The following MYO6 variants were observed in gnomAD, a reference collection of about 807,000 sequenced individuals.
MYO6 encodes myosin VI, also known as unconventional myosin-VI.
MYO6 carries 74 observed loss-of-function variants against 178.7 expected under a neutral mutation model. That is an observed-to-expected ratio of 0.41 (90% CI 0.34 to 0.50). The LOEUF (loss-of-function observed/expected upper bound fraction) is 0.50, where lower values mean the gene tolerates loss of function less well. Among genes scored for constraint, MYO6 ranks in the 20% least tolerant of loss-of-function variants. MYO6 has a pLI of 0.09. For missense variants in MYO6, 1,330 were observed against 1,547.4 expected, an observed-to-expected ratio of 0.86 and a Z score of 2.36; for synonymous variants, 477 against 504.6, an observed-to-expected ratio of 0.95 and a Z score of 0.73.
At chr6:75,895,518 A>G (rs976963960) in intron 29 of MYO6, among the ~76,000 whole-genome samples, 1 of 140,184 alleles carries the variant, frequency 7.1e-6, no homozygotes, top group African/African-American at 2.6e-5. Flanking sequence ...ATATATATGA[A>G]TTTTTTTTTT....
intron 9 of MYO6, among the ~76,000 whole-genome samples, chr6:75,842,798 T>C (rs1251184619): frequency 6.6e-6 from 1 of 152,220 alleles, no homozygotes; most frequent in Non-Finnish European, 1.5e-5. Context: ...GATGTGACTG[T>C]TCTGGCCTTA....
rs1781055521 is a variant in MYO6 at position 75,915,151 on chromosome 6, G to A, written c.*139G>A. On this transcript the variant is annotated 3_prime_UTR_variant, in exon 35 of 35. Coordinates refer to ENST00000369977, the MANE Select transcript of MYO6 (RefSeq NM_004999.4). ...CAGATTTTATTAATCACGGCTTTTGGTGAATTTGTTTAAGGTTAATTATGG... is the reference window on the plus strand; with the variant it reads ...CAGATTTTATTAATCACGGCTTTTGATGAATTTGTTTAAGGTTAATTATGG... 3.3e-6 allele frequency: 3 copies of A among 922,286 alleles called. No homozygotes were observed. The highest frequency in any genetic ancestry group is 2.2e-5 in the Admixed American group (1 of 45,494). The allele number at this position is 922,286 out of a possible 1,614,324, so 57.1% of individuals were successfully genotyped here.
intron 34 of MYO6, 145 bp from the exon 35 acceptor site, chr6:75,914,668 T>C (rs1781016181): frequency 1.2e-6 from 1 of 801,868 alleles, no homozygotes; most frequent in Non-Finnish European, 2.0e-6. Context: ...TTTCTGGTGA[T>C]TTTATTAAGC....
intron 1 of MYO6, among the ~76,000 whole-genome samples, chr6:75,781,157 G>T (rs2150051895): frequency 6.6e-6 from 1 of 152,126 alleles, no homozygotes; most frequent in South Asian, 2.1e-4. Flanking sequence ...GCATCTAAAA[G>T]GTCAGTAAAA....
At position 75,785,307 on chromosome 6, in the gene MYO6, TA is replaced by T. The variant is rs1654218388; in HGVS notation, c.-47-32193del. Among the ~76,000 whole-genome samples, 12 of 152,282 alleles carry T rather than the reference TA, an allele frequency of 7.9e-5. No individual in the cohort carries two copies. The South Asian group carries it at 2.5e-3, about 32-fold the overall frequency. On this transcript the variant is annotated intron_variant, in intron 1 of 34. Transcript: ENST00000369977. ...CTATTTAAAAAGAAAGTCATAAGAA[TA>T]GCTGGAAATTATCCTGAAATGTATT...
intron 22 of MYO6, among the ~76,000 whole-genome samples, chr6:75,880,403 G>C (rs1210608817): frequency 1.3e-5 from 2 of 152,164 alleles, no homozygotes; most frequent in Non-Finnish European, 2.9e-5. Context: ...GCTTCCCTGA[G>C]CCACATTGGA....
At chr6:75,778,350 T>C (rs961276425) in intron 1 of MYO6, among the ~76,000 whole-genome samples, 2 of 152,150 alleles carry the variant, frequency 1.3e-5, no homozygotes, top group Non-Finnish European at 2.9e-5. Flanking sequence ...ATCCCAGCAC[T>C]TTGGGAGGCC....
chr6:75,758,946 T>G (rs1386461660), intron 1 of MYO6, among the ~76,000 whole-genome samples: 1 of 151,960 alleles, frequency 6.6e-6, no homozygotes, highest in Non-Finnish European at 1.5e-5. Flanking sequence ...CTCAGCTCAC[T>G]GCAATCTCCC....
chr6:75,890,392 G>A, intron 26 of MYO6, 127 bp downstream of exon 26: 1 of 1,356,182 alleles, frequency 7.4e-7, no homozygotes, highest in Non-Finnish European at 1.0e-6. Context: ...TGTTGCCCAG[G>A]CTGGAGTGCA....
chr6:75,836,214 T>C lies in MYO6; in HGVS notation c.553+258T>C, dbSNP rs192681300. On this transcript the variant is annotated intron_variant, in intron 7 of 34. Coordinates refer to ENST00000369977, the MANE Select transcript of MYO6 (RefSeq NM_004999.4). ...AATGGTAACTGATACAGAGCATAAA[T>C]ATCTGTTGAATGAATGAAAGAATAC... Among the ~76,000 whole-genome samples, 3 of 152,354 alleles carry C rather than the reference T, an allele frequency of 2.0e-5. No individual in the cohort carries two copies. In the East Asian group the frequency reaches 5.8e-4, roughly 29 times the overall value.
intron 11 of MYO6, among the ~76,000 whole-genome samples, chr6:75,854,184 A>G (rs908677428): frequency 1.3e-5 from 2 of 151,592 alleles, no homozygotes; most frequent in African/African-American, 4.8e-5. Flanking sequence ...CTGTGCAAGC[A>G]CACAAAAAAT....
chr6:75,905,674 G>A (rs13191097), intron 30 of MYO6, among the ~76,000 whole-genome samples: 19,827 of 152,244 alleles, frequency 0.13, 1,368 homozygotes, highest in Non-Finnish European at 0.15. Context: ...GAAATCACCC[G>A]TCTTCTGCGT....
At chr6:75,902,498 C>G (rs1272974303) in intron 30 of MYO6, among the ~76,000 whole-genome samples, 3 of 152,120 alleles carry the variant, frequency 2.0e-5, no homozygotes, top group Non-Finnish European at 4.4e-5. Context: ...TCTAGATTTT[C>G]TAGTTTATTT....
At chr6:75,855,825 T>C (rs1403269233) in intron 12 of MYO6, among the ~76,000 whole-genome samples, 1 of 152,182 alleles carries the variant, frequency 6.6e-6, no homozygotes, top group African/African-American at 2.4e-5. Context: ...TTTTTGGTTT[T>C]GGTACTGTAG....
chr6:75,859,517 C>T (rs1452846606), intron 14 of MYO6, among the ~76,000 whole-genome samples: 1 of 151,942 alleles, frequency 6.6e-6, no homozygotes, highest in Non-Finnish European at 1.5e-5. Context: ...CTAGGCTAGT[C>T]TCGAACTCTT....
At chr6:75,832,706 C>A in intron 5 of MYO6, 136 bp from the exon 6 acceptor site, 5 of 631,090 alleles carry the variant, frequency 7.9e-6, no homozygotes, top group South Asian at 1.9e-5. Context: ...TTTTGAATGA[C>A]TTTATTTTAA....
chr6:75,880,681 T>A (rs1777939100), intron 22 of MYO6, among the ~76,000 whole-genome samples: 1 of 152,150 alleles, frequency 6.6e-6, no homozygotes. Flanking sequence ...TCCTGAAAAA[T>A]TAGAAATATT....
intron 11 of MYO6, among the ~76,000 whole-genome samples, 166 bp from the exon 12 acceptor site, chr6:75,854,973 G>A (rs549338797): frequency 3.0e-4 from 46 of 152,258 alleles, no homozygotes; most frequent in African/African-American, 9.6e-4. Context: ...TTAGCAGTAC[G>A]GGTGTTTGAC....
At chr6:75,866,850 A>G (rs1284431891) in intron 17 of MYO6, 82 bp from the exon 18 acceptor site, 1 of 1,459,402 alleles carries the variant, frequency 6.9e-7, no homozygotes, top group African/African-American at 1.4e-5. Flanking sequence ...CTGTCATCAC[A>G]GAAAGTTCCT....
Sources: allele counts gnomAD v4.1 joint callset (sites outside exome capture counted in the v4.1 genomes callset), GRCh38; gene constraint gnomAD v4.1.1; transcripts MANE v1.5; gene names NCBI Gene and HGNC (gene_info 2026-07-23, HGNC 2026-07-21).